Variants in QTMAN observed in about 807,000 individuals in gnomAD.
The protein encoded by QTMAN is queuosine-tRNA mannosyltransferase, also known as tRNA-queuosine alpha-mannosyltransferase.
the QTMAN span, among the ~76,000 whole-genome samples, chr2:144,133,268 TA>T: frequency 2.7e-5 from 1 of 36,490 alleles, no homozygotes; most frequent in Non-Finnish European, 5.6e-5. Flanking sequence ...TATATATAAA[TA>T]TATATTTATA....
At chr2:144,125,106 G>C in the QTMAN span, among the ~76,000 whole-genome samples, 1 of 152,004 alleles carries the variant, frequency 6.6e-6, no homozygotes, top group African/African-American at 2.4e-5. Flanking sequence ...ATCTATCATA[G>C]AATTCGTTTT....
At chr2:144,116,796 T>C in the QTMAN span, among the ~76,000 whole-genome samples, 2 of 152,216 alleles carry the variant, frequency 1.3e-5, no homozygotes, top group Non-Finnish European at 2.9e-5. Context: ...ACATTATTGT[T>C]TCCGTTTTAC....
At chr2:144,301,216 G>GC in the QTMAN span, among the ~76,000 whole-genome samples, 1 of 151,884 alleles carries the variant, frequency 6.6e-6, no homozygotes, top group South Asian at 2.1e-4. Flanking sequence ...GTTTTGTCTT[G>GC]TTTTTTTGTT....
the QTMAN span, among the ~76,000 whole-genome samples, chr2:144,187,304 TC>T: frequency 2.6e-5 from 4 of 152,308 alleles, no homozygotes; most frequent in South Asian, 8.3e-4. Context: ...CAAAGAAGAA[TC>T]AGACACGAGT....
chr2:144,029,310 T>C, the QTMAN span, among the ~76,000 whole-genome samples: 1 of 152,186 alleles, frequency 6.6e-6, no homozygotes, highest in African/African-American at 2.4e-5. Flanking sequence ...CCTGGAAAAG[T>C]CCCAGAATTG....
the QTMAN span, among the ~76,000 whole-genome samples, chr2:144,115,162 C>T: frequency 9.3e-5 from 14 of 150,658 alleles, no homozygotes; most frequent in Non-Finnish European, 2.1e-4. Context: ...ACCCAGGAGG[C>T]GGAGGTTGCA....
chr2:144,253,297 T>C, the QTMAN span, among the ~76,000 whole-genome samples: 2 of 152,284 alleles, frequency 1.3e-5, no homozygotes, highest in South Asian at 2.1e-4. Context: ...TATTTCTTCA[T>C]AGCAGCATGA....
At chr2:143,993,492 A>G in the QTMAN span, among the ~76,000 whole-genome samples, 1 of 152,060 alleles carries the variant, frequency 6.6e-6, no homozygotes, top group African/African-American at 2.4e-5. Context: ...TGGGCCCTCA[A>G]TCCAATTGCA....
the QTMAN span, among the ~76,000 whole-genome samples, chr2:144,201,826 C>G: frequency 3.3e-5 from 5 of 152,168 alleles, no homozygotes; most frequent in Non-Finnish European, 7.3e-5. Flanking sequence ...CATATTCAAC[C>G]AGGAATTTCT....
At chr2:143,940,352 G>A in the QTMAN span, 1 of 152,214 alleles carries the variant, frequency 6.6e-6, no homozygotes, top group African/African-American at 2.4e-5. Flanking sequence ...AGTGCAAGAT[G>A]TAATATACTT....
chr2:143,974,646 T>C, the QTMAN span, among the ~76,000 whole-genome samples: 1 of 152,210 alleles, frequency 6.6e-6, no homozygotes, highest in Non-Finnish European at 1.5e-5. Flanking sequence ...AAGTTTGGCA[T>C]AGGTATACCG....
At chr2:144,327,498 T>C in the QTMAN span, among the ~76,000 whole-genome samples, 17 of 152,086 alleles carry the variant, frequency 1.1e-4, no homozygotes, top group Non-Finnish European at 1.9e-4. Context: ...TCCTTAAGTG[T>C]CTCCACTAAG....
At chr2:144,309,465 A>G in the QTMAN span, among the ~76,000 whole-genome samples, 1 of 152,226 alleles carries the variant, frequency 6.6e-6, no homozygotes, top group African/African-American at 2.4e-5. Flanking sequence ...TGACACATAC[A>G]ATAACATAAT....
At chr2:144,249,644 A>G in the QTMAN span, among the ~76,000 whole-genome samples, 1 of 152,224 alleles carries the variant, frequency 6.6e-6, no homozygotes, top group Non-Finnish European at 1.5e-5. Flanking sequence ...TTAAAAATAA[A>G]CAAGGAGGGA....
At chr2:144,110,811 T>C in the QTMAN span, among the ~76,000 whole-genome samples, 1 of 152,020 alleles carries the variant, frequency 6.6e-6, no homozygotes, top group Non-Finnish European at 1.5e-5. Flanking sequence ...AGGAGTGATA[T>C]CATCTTTCCC....
At chr2:143,975,898 A>G in the QTMAN span, among the ~76,000 whole-genome samples, 2 of 152,208 alleles carry the variant, frequency 1.3e-5, no homozygotes, top group African/African-American at 4.8e-5. Context: ...TCATTACTGC[A>G]GCATAATGTG....
At chr2:143,996,430 T>G in the QTMAN span, among the ~76,000 whole-genome samples, 1 of 151,902 alleles carries the variant, frequency 6.6e-6, no homozygotes, top group Admixed American at 6.6e-5. Flanking sequence ...AGAGAGAAAT[T>G]TGGGGGGATA....
At chr2:144,266,972 A>AT in the QTMAN span, among the ~76,000 whole-genome samples, 21 of 152,204 alleles carry the variant, frequency 1.4e-4, no homozygotes, top group Non-Finnish European at 2.5e-4. Flanking sequence ...CATTAGAGGT[A>AT]TTGGAAGGTA....
At chr2:143,999,107 T>G in the QTMAN span, among the ~76,000 whole-genome samples, 1 of 151,984 alleles carries the variant, frequency 6.6e-6, no homozygotes, top group Non-Finnish European at 1.5e-5. Flanking sequence ...ACAAAAAAGT[T>G]TCTGTCTCTG....
Sources: gnomAD v4.1 joint callset for allele counts (sites outside exome capture counted in the v4.1 genomes callset) on GRCh38, gnomAD v4.1.1 for gene constraint, MANE v1.5 for transcripts, NCBI Gene and HGNC (gene_info 2026-07-23, HGNC 2026-07-21) for gene names.